SPRED1: variants seen among roughly 807,000 people sequenced by gnomAD.
SPRED1 encodes sprouty related EVH1 domain containing 1.
SPRED1 carries 18 observed loss-of-function variants against 52.3 expected under a neutral mutation model. That is an observed-to-expected ratio of 0.34 (90% confidence interval 0.24 to 0.51). The LOEUF (loss-of-function observed/expected upper bound fraction) is 0.51. Among genes scored for constraint, SPRED1 ranks in the 20% least tolerant of loss-of-function variants. The pLI is 0.97. For missense variants in SPRED1, 485 were observed against 551.0 expected (o/e 0.88, Z 1.20); for synonymous variants, 155 against 179.7 (o/e 0.86, Z 1.10).
chr15:38,281,014 T>C (rs1482516824), intron 1 of SPRED1, among the ~76,000 whole-genome samples: 1 of 152,210 alleles, frequency 6.6e-6, no homozygotes, highest in Non-Finnish European at 1.5e-5. Flanking sequence ...TGAGGACAAG[T>C]TGTAGGAACT....
chr15:38,253,239 A>C, intron 1 of SPRED1, 22 bp downstream of exon 1: 1 of 1,564,414 alleles, frequency 6.4e-7, no homozygotes, highest in African/African-American at 1.4e-5. Context: ...ATTGATCTCG[A>C]TTGCTAATCC....
chr15:38,316,748 GTTTTTTTT>G (rs1555390721), intron 2 of SPRED1, among the ~76,000 whole-genome samples: 6 of 41,906 alleles, frequency 1.4e-4, no homozygotes, highest in East Asian at 1.5e-3. Context: ...TCCATTATAT[GTTTTTTTT>G]TTTTTTTTTT....
intron 4 of SPRED1, 62 bp from the exon 5 acceptor site, chr15:38,339,675 T>G: frequency 6.5e-7 from 1 of 1,532,914 alleles, no homozygotes; most frequent in Non-Finnish European, 9.0e-7. Context: ...GAAAGTATCT[T>G]ATTTTGTGGT....
chr15:38,270,549 C>A (rs1846291078), intron 1 of SPRED1, among the ~76,000 whole-genome samples: 1 of 152,036 alleles, frequency 6.6e-6, no homozygotes, highest in Non-Finnish European at 1.5e-5. Context: ...TGGTGGCAGG[C>A]AAAGGGGAAG....
At chr15:38,298,439 A>C (rs960348574) in intron 1 of SPRED1, 1 of 270,264 alleles carries the variant, frequency 3.7e-6, no homozygotes, top group Non-Finnish European at 7.1e-6. Context: ...AACAACTAGA[A>C]AAATCCAAAT....
rs1183004572 is a variant in SPRED1, at chr15:38,293,099, C to T, written c.33-6274C>T. On this transcript the variant is annotated intron_variant, in intron 1 of 6. Coordinates refer to ENST00000299084, the MANE Select transcript of SPRED1 (RefSeq NM_152594.3). ...TTAAGTAATTTACCCAAGATTACAA[C>T]TTTTTTTTTTTTTTTTTTTGAGACG... Among the ~76,000 whole-genome samples, 71 of 90,704 alleles carry T rather than the reference C, an allele frequency of 7.8e-4. 1 individual carries two copies. Among genetic ancestry groups the T allele is most frequent in the South Asian group, 2.7e-3 (6 of 2,228 alleles). The allele number at this position is 90,704 out of a possible 152,430, so 59.5% of individuals were successfully genotyped here.
intron 6 of SPRED1, among the ~76,000 whole-genome samples, chr15:38,349,883 A>G (rs1266816534): frequency 6.6e-6 from 1 of 152,190 alleles, no homozygotes; most frequent in Non-Finnish European, 1.5e-5. Flanking sequence ...GCTTACTTGT[A>G]GTAGACTAGT....
intron 3 of SPRED1, among the ~76,000 whole-genome samples, chr15:38,324,258 G>A (rs1487956752): frequency 6.6e-6 from 1 of 152,146 alleles, no homozygotes; most frequent in Non-Finnish European, 1.5e-5. Context: ...AATCTGTACA[G>A]AGACGTTGAT....
intron 2 of SPRED1, among the ~76,000 whole-genome samples, chr15:38,311,180 T>G (rs1474455222): frequency 6.6e-6 from 1 of 152,204 alleles, no homozygotes; most frequent in Admixed American, 6.5e-5. Context: ...TAAATTTTTT[T>G]TGTGTCAATT....
intron 1 of SPRED1, among the ~76,000 whole-genome samples, chr15:38,297,136 C>T (rs944954359): frequency 2.0e-5 from 3 of 152,176 alleles, no homozygotes; most frequent in African/African-American, 7.2e-5. Flanking sequence ...AAATAAATTT[C>T]TCTTTATCAT....
intron 1 of SPRED1, among the ~76,000 whole-genome samples, chr15:38,278,826 C>CTTTT (rs1199715229): frequency 0.013 from 506 of 39,918 alleles, 10 homozygotes; most frequent in African/African-American, 0.028. Context: ...CCTAACTACA[C>CTTTT]TGTTTTTTTT....
At chr15:38,334,328 G>A (rs144960208) in intron 4 of SPRED1, among the ~76,000 whole-genome samples, 3 of 152,086 alleles carry the variant, frequency 2.0e-5, no homozygotes, top group African/African-American at 7.2e-5. Context: ...AGAGGTGGGG[G>A]GTGCTAATAC....
chr15:38,346,537 C>T (rs745529417), intron 5 of SPRED1, among the ~76,000 whole-genome samples: 2 of 152,164 alleles, frequency 1.3e-5, no homozygotes, highest in Non-Finnish European at 2.9e-5. Flanking sequence ...AAAAAAGGAA[C>T]ACCCCCAATC....
intron 2 of SPRED1, among the ~76,000 whole-genome samples, chr15:38,310,153 G>GTGTGTGTGTGTGTGTGTGTGTTT (rs373463622): frequency 1.5e-5 from 2 of 132,188 alleles, no homozygotes; most frequent in Non-Finnish European, 1.6e-5. Flanking sequence ...GTGTGTGTGT[G>GTGTGTGTGTGTGTGTGTGTGTTT]TTTGGAGACG....
intron 5 of SPRED1, among the ~76,000 whole-genome samples, chr15:38,346,018 C>A (rs1896128322): frequency 6.6e-6 from 1 of 152,092 alleles, no homozygotes; most frequent in African/African-American, 2.4e-5. Context: ...GTCTTTGACT[C>A]GTTTTTTAAT....
In SPRED1 at chr15:38,353,034, T is replaced by TTTG. The variant is rs1009997560; in HGVS notation, c.*1388_*1390dup. The TTTG allele has an allele frequency of 8.5e-5, 13 of 152,440 alleles. No individual in the cohort carries two copies. Among genetic ancestry groups the TTTG allele is most frequent in the South Asian group, 2.1e-4 (1 of 4,822 alleles). The allele number at this position is 152,440 out of a possible 1,614,324, so 9.4% of individuals were successfully genotyped here. On this transcript the variant is annotated 3_prime_UTR_variant, in exon 7 of 7. Coordinates refer to ENST00000299084, the MANE Select transcript of SPRED1 (RefSeq NM_152594.3). Reference sequence around the variant, plus strand: ...TTGAAGTCAAATTGTCTGTTTTTGTTTTGTTGTTGTTGTTGTTGTTTTCTT... The same window carrying TTTG: ...TTGAAGTCAAATTGTCTGTTTTTGTTTTGTTGTTGTTGTTGTTGTTGTTTTCTT...
chr15:38,294,007 G>A (rs968547379), intron 1 of SPRED1, among the ~76,000 whole-genome samples: 2 of 151,780 alleles, frequency 1.3e-5, no homozygotes, highest in African/African-American at 4.8e-5. Context: ...TTTCAATTTT[G>A]TTTATGTAGT....
intron 2 of SPRED1, among the ~76,000 whole-genome samples, chr15:38,306,099 T>C (rs202016153): frequency 6.6e-6 from 1 of 152,186 alleles, no homozygotes; most frequent in Non-Finnish European, 1.5e-5. Flanking sequence ...TCCCCACTGA[T>C]TTCCTAGAGA....
intron 2 of SPRED1, among the ~76,000 whole-genome samples, chr15:38,301,259 C>T (rs988654241): frequency 2.6e-5 from 4 of 152,040 alleles, no homozygotes; most frequent in African/African-American, 9.7e-5. Flanking sequence ...AAAAATAAAC[C>T]TGAGATTCAG....
Sources: gnomAD v4.1 joint callset for allele counts (sites outside exome capture counted in the v4.1 genomes callset) on GRCh38, gnomAD v4.1.1 for gene constraint, MANE v1.5 for transcripts, NCBI Gene and HGNC (gene_info 2026-07-23, HGNC 2026-07-21) for gene names.